Variants in POR observed in about 807,000 individuals in gnomAD.
The protein encoded by POR is cytochrome p450 oxidoreductase, also known as NADPH--cytochrome P450 reductase.
In POR, 56 loss-of-function variants were observed where a neutral mutation model predicts 84.0. That is an observed-to-expected ratio of 0.67 (90% CI 0.54 to 0.83). POR has a LOEUF of 0.83. POR is among the 40% of genes least tolerant of loss of function. The pLI is 0.00. For missense variants in POR, 938 were observed against 944.3 expected, an observed-to-expected ratio of 0.99 and a Z score of 0.09; for synonymous variants, 414 against 400.5, an observed-to-expected ratio of 1.03 and a Z score of -0.40.
chr7:75,962,386 C>G (rs1392612529), intron 2 of POR, among the ~76,000 whole-genome samples: 1 of 152,118 alleles, frequency 6.6e-6, no homozygotes, highest in Non-Finnish European at 1.5e-5. Context: ...CTCTACCTCC[C>G]AGGCTTAAGG....
At chr7:75,918,135 C>T (rs1245606891) in intron 1 of POR, among the ~76,000 whole-genome samples, 3 of 152,044 alleles carry the variant, frequency 2.0e-5, no homozygotes, top group Admixed American at 6.6e-5. Context: ...GGTGAAACCC[C>T]GTCTCTACTA....
chr7:75,966,283 G>A (rs781830293), intron 2 of POR, among the ~76,000 whole-genome samples: 5 of 152,120 alleles, frequency 3.3e-5, no homozygotes, highest in East Asian at 1.9e-4. Flanking sequence ...CTCCCCACGT[G>A]TTCATCAGAG....
intron 1 of POR, among the ~76,000 whole-genome samples, chr7:75,939,197 A>G (rs75806688): frequency 0.045 from 6,926 of 152,332 alleles, 217 homozygotes; most frequent in Non-Finnish European, 0.071. Context: ...GCATGGACGT[A>G]AGAGTGACAG....
In POR at chr7:75,979,434, G is replaced by C; in HGVS notation, c.238-17G>C. On this transcript the variant is annotated splice_polypyrimidine_tract_variant and intron_variant, in intron 3 of 15. Coordinates refer to ENST00000461988, the MANE Select transcript of POR (RefSeq NM_000941.3). ...GAGGTCTGTGGCCCTCACCAACCCT[G>C]TGTCTGCCTTCCTTAGGGGAGGAAC... 1 of 1,611,398 alleles carries C rather than the reference G, an allele frequency of 6.2e-7. No homozygotes were observed. Among genetic ancestry groups the C allele is most frequent in the Non-Finnish European group, 8.5e-7 (1 of 1,179,004 alleles).
Position 75,981,179 on chromosome 7 carries a change from GC to G in POR, c.641+10del. Reference sequence around the variant, plus strand: ...TGGGCGACGACGATGGGAAGTGAGTGCCCACCCTGCCACCATGATCAGCGCG... The same window carrying G: ...TGGGCGACGACGATGGGAAGTGAGTGCCACCCTGCCACCATGATCAGCGCG... On this transcript the variant is annotated splice_region_variant and intron_variant, in intron 6 of 15. Transcript: ENST00000461988. 6.5e-7 allele frequency: 1 copy of G among 1,532,678 alleles called. No individual in the cohort carries two copies. The highest frequency in any genetic ancestry group is 8.8e-7 in the Non-Finnish European group (1 of 1,136,244). The allele number at this position is 1,532,678 out of a possible 1,614,324, so 94.9% of individuals were successfully genotyped here.
At chr7:75,960,787 G>A (rs1787902050) in intron 2 of POR, among the ~76,000 whole-genome samples, 1 of 152,204 alleles carries the variant, frequency 6.6e-6, no homozygotes, top group East Asian at 1.9e-4. Context: ...GGGGCCGCCT[G>A]TCGGAGGGAA....
chr7:75,935,885 G>A (rs945896916), intron 1 of POR, among the ~76,000 whole-genome samples: 3 of 151,504 alleles, frequency 2.0e-5, no homozygotes, highest in Admixed American at 6.6e-5. Context: ...CCCCAATAGC[G>A]CATTCTATGT....
At position 75,983,829 on chromosome 7, in the gene POR, G is replaced by A. The variant is rs781974546; in HGVS notation, c.1039G>A (p.Val347Ile). The change falls in exon 10 of 16, where the codon GTC becomes ATC. Residue 347 changes from valine to isoleucine, a missense_variant. Physicochemically the swap from Val to Ile is conservative, Grantham distance 29. Transcript: ENST00000461988. The stretch of plus-strand genomic sequence containing the variant: ...CAAAATCCTGGGTGCCGACCTGGAC[G>A]TCGTCATGTCCCTGAACAACCTGGA... The A allele has an allele frequency of 2.0e-5, 32 of 1,610,490 alleles. No homozygotes were observed. The highest frequency in any genetic ancestry group is 6.6e-5 in the South Asian group (6 of 90,786).
chr7:75,929,102 G>A (rs1807289714), intron 1 of POR, among the ~76,000 whole-genome samples: 1 of 152,102 alleles, frequency 6.6e-6, no homozygotes, highest in Non-Finnish European at 1.5e-5. Flanking sequence ...TATAGACACC[G>A]CATGACCGTC....
intron 1 of POR, among the ~76,000 whole-genome samples, chr7:75,933,386 T>G (rs868923666): frequency 0.019 from 1,712 of 90,614 alleles, 50 homozygotes; most frequent in African/African-American, 0.1. Context: ...GTTTTTTTTT[T>G]TTTTTTTTTT....
chr7:75,963,648 G>A (rs1328284546), intron 2 of POR, among the ~76,000 whole-genome samples: 1 of 152,318 alleles, frequency 6.6e-6, no homozygotes, highest in East Asian at 1.9e-4. Flanking sequence ...GCAGAGGAGG[G>A]GTATCCCCCA....
At chr7:75,919,689 G>A (rs1344118001) in intron 1 of POR, among the ~76,000 whole-genome samples, 1 of 152,088 alleles carries the variant, frequency 6.6e-6, no homozygotes, top group Non-Finnish European at 1.5e-5. Context: ...ACCGCGCCCA[G>A]CCCAGTAACT....
chr7:75,983,982 G>A (rs1789244105), intron 10 of POR, 126 bp downstream of exon 10: 1 of 706,218 alleles, frequency 1.4e-6, no homozygotes, highest in African/African-American at 1.8e-5. Context: ...CTTGCACCGA[G>A]ACTCCACGGT....
intron 1 of POR, among the ~76,000 whole-genome samples, chr7:75,921,564 C>T (rs531007501): frequency 6.6e-6 from 1 of 152,006 alleles, no homozygotes; most frequent in Admixed American, 6.5e-5. Context: ...CACGCCCGGC[C>T]CTTTAAATCT....
At chr7:75,944,905 T>C (rs1787109307) in intron 1 of POR, among the ~76,000 whole-genome samples, 1 of 152,186 alleles carries the variant, frequency 6.6e-6, no homozygotes, top group Non-Finnish European at 1.5e-5. Flanking sequence ...CCTCAGGATT[T>C]TGTGGGACTA....
intron 2 of POR, 116 bp from the exon 3 acceptor site, chr7:75,972,297 C>T (rs1267538502): frequency 5.4e-6 from 5 of 922,456 alleles, no homozygotes; most frequent in Non-Finnish European, 8.5e-6. Flanking sequence ...GGAATGTCCC[C>T]TCCCTGTGCT....
chr7:75,967,880 C>T (rs1183478391), intron 2 of POR: 5 of 363,340 alleles, frequency 1.4e-5, no homozygotes, highest in Non-Finnish European at 2.8e-5. Context: ...GGGGCAGACG[C>T]AGGCAGGAGC....
At chr7:75,984,750 C>CAAG (rs1563433845) in intron 10 of POR, 27 bp from the exon 11 acceptor site, 5 of 1,609,134 alleles carry the variant, frequency 3.1e-6, no homozygotes, top group Non-Finnish European at 4.2e-6. Flanking sequence ...CCGCCTACCC[C>CAAG]AAGTCCTGCC....
rs1789462711 is a variant in POR at position 75,986,323 on chromosome 7, CT to C, written c.1899-13del. The stretch of plus-strand genomic sequence containing the variant: ...CAGTTGGCCCAGCCCCCAGCACCCC[CT>C]CTTCCTGCCCAGGGATGCACGGAAC... On this transcript the variant is annotated splice_polypyrimidine_tract_variant and intron_variant, in intron 15 of 15. Coordinates refer to ENST00000461988, the MANE Select transcript of POR (RefSeq NM_000941.3). 6.2e-7 allele frequency: 1 copy of C among 1,612,376 alleles called. No homozygotes were observed.
Sources: gnomAD v4.1 joint callset for allele counts (sites outside exome capture counted in the v4.1 genomes callset) on GRCh38, gnomAD v4.1.1 for gene constraint, MANE v1.5 for transcripts, NCBI Gene and HGNC (gene_info 2026-07-23, HGNC 2026-07-21) for gene names.